The following ZFAND6 variants were observed in gnomAD, a reference collection of about 807,000 sequenced individuals.
ZFAND6 encodes AN1-type zinc finger protein 6.
A neutral mutation model predicts 24.5 loss-of-function variants in ZFAND6; 12 were observed. The ratio of observed to expected loss-of-function variants is 0.49; its 90% CI spans 0.31 to 0.79. ZFAND6 has a LOEUF of 0.79. Among genes scored for constraint, ZFAND6 ranks in the 30% least tolerant of loss-of-function variants. The pLI is 0.04. For missense variants in ZFAND6, 207 were observed against 245.9 expected (o/e 0.84, Z 1.06); for synonymous variants, 92 against 81.5 (o/e 1.13, Z -0.69).
At chr15:80,084,456 C>T (rs953271648) in intron 1 of ZFAND6, among the ~76,000 whole-genome samples, 1 of 152,194 alleles carries the variant, frequency 6.6e-6, no homozygotes, top group Non-Finnish European at 1.5e-5. Flanking sequence ...AAAGGATATA[C>T]TTCCTAATAA....
At chr15:80,076,391 T>C (rs887004322) in intron 1 of ZFAND6, among the ~76,000 whole-genome samples, 10 of 152,034 alleles carry the variant, frequency 6.6e-5, no homozygotes, top group African/African-American at 2.2e-4. Context: ...TTTTTTTTTT[T>C]CCTTCACGTG....
intron 1 of ZFAND6, among the ~76,000 whole-genome samples, chr15:80,080,145 C>T (rs565428209): frequency 2.0e-5 from 3 of 151,928 alleles, no homozygotes; most frequent in Non-Finnish European, 4.4e-5. Context: ...TTACAGGCAC[C>T]CACCATCATG....
intron 1 of ZFAND6, among the ~76,000 whole-genome samples, chr15:80,063,946 C>T (rs568639502): frequency 1.3e-5 from 2 of 152,334 alleles, no homozygotes; most frequent in South Asian, 4.1e-4. Flanking sequence ...CCTTGGCCTC[C>T]CAAAGTGCTG....
At chr15:80,083,323 G>A (rs1419150614) in intron 1 of ZFAND6, among the ~76,000 whole-genome samples, 1 of 152,158 alleles carries the variant, frequency 6.6e-6, no homozygotes, top group African/African-American at 2.4e-5. Flanking sequence ...TCCCAGCCCT[G>A]TGAATTGGTG....
intron 5 of ZFAND6, among the ~76,000 whole-genome samples, chr15:80,123,492 A>G (rs1166050877): frequency 1.3e-5 from 2 of 152,234 alleles, no homozygotes; most frequent in Admixed American, 6.5e-5. Flanking sequence ...GATAAGCCTA[A>G]TGAAGAGCAG....
chr15:80,121,806 A>ATCTTT lies in ZFAND6; in HGVS notation c.252_253insTTTCT (p.Met85PhefsTer18). On this transcript the variant is annotated frameshift_variant, in exon 4 of 7. Transcript: ENST00000261749. LOFTEE classifies it high-confidence loss of function. ...AGTCAGCATTAGACTCTACATCTTC[A>ATCTTT]TCTATGCAGCCCAGGTAAGATGTAC... 6.2e-7 allele frequency: 1 copy of ATCTTT among 1,613,276 alleles called. No individual in the cohort carries two copies. The highest frequency in any genetic ancestry group is 1.7e-5 in the Admixed American group (1 of 59,998).
At chr15:80,100,745 T>G (rs956971942) in intron 2 of ZFAND6, among the ~76,000 whole-genome samples, 1 of 152,216 alleles carries the variant, frequency 6.6e-6, no homozygotes, top group Non-Finnish European at 1.5e-5. Context: ...GTTTTACTGT[T>G]GTATAATGCA....
intron 2 of ZFAND6, among the ~76,000 whole-genome samples, chr15:80,114,176 T>C (rs753973527): frequency 1.1e-4 from 17 of 152,220 alleles, no homozygotes; most frequent in Non-Finnish European, 1.9e-4. Context: ...ATTTGGATGC[T>C]TTTCATATGC....
intron 1 of ZFAND6, among the ~76,000 whole-genome samples, chr15:80,070,421 C>T (rs1299813653): frequency 1.3e-5 from 2 of 152,132 alleles, no homozygotes; most frequent in Non-Finnish European, 2.9e-5. Context: ...CATATTATCT[C>T]GGTTATACAT....
At chr15:80,077,698 T>TTC (rs966621333) in intron 1 of ZFAND6, among the ~76,000 whole-genome samples, 8 of 20,266 alleles carry the variant, frequency 3.9e-4, no homozygotes, top group Non-Finnish European at 1.1e-3. Flanking sequence ...GTTTTCTTTC[T>TTC]TTTTTTTTTT....
chr15:80,069,388 T>A (rs1188976702), intron 1 of ZFAND6, among the ~76,000 whole-genome samples: 1 of 152,168 alleles, frequency 6.6e-6, no homozygotes, highest in Non-Finnish European at 1.5e-5. Context: ...CAATGTACTG[T>A]TTTTTTGTAG....
intron 2 of ZFAND6, among the ~76,000 whole-genome samples, chr15:80,102,003 AGCC>A (rs2039062108): frequency 6.6e-6 from 1 of 151,582 alleles, no homozygotes; most frequent in Admixed American, 6.6e-5. Context: ...TTAGCATGTT[AGCC>A]AGGATGGTCT....
At chr15:80,123,318 CA>C (rs2040229597) in intron 5 of ZFAND6, among the ~76,000 whole-genome samples, 1 of 152,148 alleles carries the variant, frequency 6.6e-6, no homozygotes, top group African/African-American at 2.4e-5. Flanking sequence ...TTATGAAGCT[CA>C]AAGTGATCTA....
At chr15:80,119,692 C>A (rs1197313064) in intron 2 of ZFAND6, among the ~76,000 whole-genome samples, 1 of 152,100 alleles carries the variant, frequency 6.6e-6, no homozygotes, top group East Asian at 1.9e-4. Flanking sequence ...TGATTATACT[C>A]TAGTCATTTT....
intron 2 of ZFAND6, among the ~76,000 whole-genome samples, chr15:80,113,496 G>A (rs2039713320): frequency 6.6e-6 from 1 of 151,846 alleles, no homozygotes. Context: ...TTTTCGGGAG[G>A]AGGGAGAAAA....
intron 1 of ZFAND6, among the ~76,000 whole-genome samples, chr15:80,070,157 A>G (rs950255238): frequency 6.6e-6 from 1 of 152,168 alleles, no homozygotes; most frequent in Non-Finnish European, 1.5e-5. Flanking sequence ...GTTGTTCCTA[A>G]TAGTCTAGAT....
chr15:80,103,420 C>T (rs2039140082), intron 2 of ZFAND6, among the ~76,000 whole-genome samples: 1 of 152,058 alleles, frequency 6.6e-6, no homozygotes, highest in African/African-American at 2.4e-5. Context: ...TAATTGGTAA[C>T]TTGTGGATAT....
intron 1 of ZFAND6, among the ~76,000 whole-genome samples, chr15:80,061,390 C>CA (rs997510010): frequency 1.5e-3 from 216 of 148,902 alleles, no homozygotes; most frequent in South Asian, 2.6e-3. Context: ...TTAATACTAC[C>CA]AAAAAAAAAC....
At chr15:80,089,479 C>T (rs984099669) in intron 1 of ZFAND6, among the ~76,000 whole-genome samples, 1 of 151,968 alleles carries the variant, frequency 6.6e-6, no homozygotes, top group African/African-American at 2.4e-5. Flanking sequence ...TGATGTTGAA[C>T]TCCTGGGCTC....
Sources: allele counts gnomAD v4.1 joint callset (sites outside exome capture counted in the v4.1 genomes callset), GRCh38; gene constraint gnomAD v4.1.1; transcripts MANE v1.5; gene names NCBI Gene and HGNC (gene_info 2026-07-23, HGNC 2026-07-21).